Variants in HIPK2 observed in about 807,000 individuals in gnomAD.
HIPK2 encodes the protein homeodomain-interacting protein kinase 2.
A neutral mutation model predicts 113.7 loss-of-function variants in HIPK2; 27 were observed. That is an observed-to-expected ratio of 0.24 (90% CI 0.17 to 0.33). The LOEUF is 0.33. HIPK2 is among the 10% of genes least tolerant of loss of function. The pLI is 1.00. For synonymous variants in HIPK2, 631 were observed against 642.2 expected (o/e 0.98, Z 0.26); for missense variants, 1,257 against 1,588.0 (o/e 0.79, Z 3.54).
chr7:139,694,465 G>T (rs1794508522), intron 2 of HIPK2, among the ~76,000 whole-genome samples: 1 of 152,154 alleles, frequency 6.6e-6, no homozygotes, highest in African/African-American at 2.4e-5. Context: ...CCAAAGGCAC[G>T]GGGCACTGTC....
In HIPK2 at chr7:139,573,499, G is replaced by T. The variant is rs1798382562; in HGVS notation, c.3127-102C>A. ...GCAGGGAGGAGGAAGAGAAGGGAAA[G>T]ACTCCAGAAGTAATAGAAGGGGCTT... On this transcript the variant is annotated intron_variant, in intron 14 of 14. Transcript: ENST00000406875. 7 of 1,067,966 alleles carry T rather than the reference G, an allele frequency of 6.6e-6. No homozygotes were observed. The South Asian group carries it at 9.0e-5, about 14-fold the overall frequency. 66.2% of individuals were successfully genotyped at this position (1,067,966 alleles called of 1,614,324 possible). A position where few individuals can be genotyped will look rare whatever the true frequency, so the allele number is the denominator to read the frequency against.
chr7:139,701,242 G>A (rs1794698208), intron 2 of HIPK2, among the ~76,000 whole-genome samples: 1 of 152,324 alleles, frequency 6.6e-6, no homozygotes, highest in South Asian at 2.1e-4. Context: ...CTTCCAACGT[G>A]TCCACCTGGA....
In HIPK2 at chr7:139,563,066, G is replaced by A. The variant is rs779194217; in HGVS notation, c.*9861C>T. 5 of 149,874 alleles carry A rather than the reference G, an allele frequency of 3.3e-5. No homozygotes were observed. Among genetic ancestry groups the A allele is most frequent in the Non-Finnish European group, 3.0e-5 (2 of 67,436 alleles). The allele number at this position is 149,874 out of a possible 1,614,324, so 9.3% of individuals were successfully genotyped here. A position where few individuals can be genotyped will look rare whatever the true frequency, so the allele number is the denominator to read the frequency against. On this transcript the variant is annotated 3_prime_UTR_variant, in exon 15 of 15. Coordinates refer to ENST00000406875, the MANE Select transcript of HIPK2 (RefSeq NM_022740.5). ...GTGAGCAGGAACACAAAAGGGAGGA[G>A]AGCAGAAACGGGGGACCGACTGACT...
intron 2 of HIPK2, among the ~76,000 whole-genome samples, chr7:139,693,557 T>C (rs1794475012): frequency 1.3e-5 from 2 of 152,268 alleles, no homozygotes; most frequent in African/African-American, 4.8e-5. Flanking sequence ...TCAGACTCAA[T>C]TTTCTCATCC....
In HIPK2 at chr7:139,569,093, G is replaced by A. The variant is rs1424045976; in HGVS notation, c.*3834C>T. On this transcript the variant is annotated 3_prime_UTR_variant, in exon 15 of 15. Transcript: ENST00000406875. ...TGCTTTCAGAGGGGGTGCAGCCTGT[G>A]ATGCCTGAGCAGCCGCCCAGCTTTG... The A allele has an allele frequency of 1.3e-5, 2 of 152,910 alleles. No homozygotes were observed. The highest frequency in any genetic ancestry group is 4.8e-5 in the African/African-American group (2 of 41,462). 9.5% of individuals were successfully genotyped at this position (152,910 alleles called of 1,614,324 possible).
intron 9 of HIPK2, among the ~76,000 whole-genome samples, chr7:139,606,235 G>C (rs1308215116): frequency 2.0e-5 from 3 of 152,190 alleles, no homozygotes; most frequent in Non-Finnish European, 1.5e-5. Flanking sequence ...GCCAAACACA[G>C]AGTTAAGTCA....
chr7:139,601,236 C>T (rs1318273394), intron 10 of HIPK2, among the ~76,000 whole-genome samples: 7 of 144,784 alleles, frequency 4.8e-5, no homozygotes, highest in Admixed American at 4.8e-4. Flanking sequence ...GAGCGAGACA[C>T]TGTCTCAAAA....
rs555306596 is a variant in HIPK2, at chr7:139,721,052, G to C, written c.20-4037C>G. ...ATCAGACAGGAGGCCTACATGGCTG[G>C]AAACACCCTGCACCACAGCCGGCTG... On this transcript the variant is annotated intron_variant, in intron 1 of 14. Coordinates refer to ENST00000406875, the MANE Select transcript of HIPK2 (RefSeq NM_022740.5). 1.6e-3 allele frequency among the ~76,000 whole-genome samples: 245 copies of C among 152,268 alleles called. 2 individuals are homozygous for C. Among genetic ancestry groups the C allele is most frequent in the African/African-American group, 5.6e-3 (233 of 41,540 alleles).
At chr7:139,641,603 G>A (rs1226895206) in intron 2 of HIPK2, among the ~76,000 whole-genome samples, 5 of 152,136 alleles carry the variant, frequency 3.3e-5, no homozygotes, top group African/African-American at 7.2e-5. Flanking sequence ...AGCACAGCCC[G>A]GGGAACAGGT....
At chr7:139,663,957 G>A (rs935159875) in intron 2 of HIPK2, among the ~76,000 whole-genome samples, 1 of 152,142 alleles carries the variant, frequency 6.6e-6, no homozygotes, top group Non-Finnish European at 1.5e-5. Flanking sequence ...CCACATACAG[G>A]GTGACCAGGG....
intron 2 of HIPK2, among the ~76,000 whole-genome samples, chr7:139,711,577 A>C (rs1238842787): frequency 6.6e-6 from 1 of 152,152 alleles, no homozygotes; most frequent in Non-Finnish European, 1.5e-5. Context: ...CCAGAGTAGA[A>C]ACCAAAAAAA....
Position 139,668,506 on chromosome 7 carries a change from G to A in HIPK2, c.1104-36781C>T, listed in dbSNP as rs117409636. On this transcript the variant is annotated intron_variant, in intron 2 of 14. Coordinates refer to ENST00000406875, the MANE Select transcript of HIPK2 (RefSeq NM_022740.5). ...GAACCCGGGAGGCAGAGCTTGCAGT[G>A]AGCAAGCTCCAGTGAGATCGCGCCA... Among the ~76,000 whole-genome samples the A allele has an allele frequency of 9.4e-4, 142 of 150,938 alleles. No homozygotes were observed. In the East Asian group the frequency reaches 0.024, roughly 26 times the overall value.
Position 139,654,929 on chromosome 7 carries a change from T to G in HIPK2, c.1104-23204A>C, listed in dbSNP as rs187065031. On this transcript the variant is annotated intron_variant, in intron 2 of 14. Coordinates refer to ENST00000406875, the MANE Select transcript of HIPK2 (RefSeq NM_022740.5). Reference sequence around the variant, plus strand: ...GAAGGGATTCCTGCGAGTGGGAGGTTGAATAGGGTGATTTCTAAAGCCCTT... The same window carrying G: ...GAAGGGATTCCTGCGAGTGGGAGGTGGAATAGGGTGATTTCTAAAGCCCTT... Among the ~76,000 whole-genome samples, 22 of 152,284 alleles carry G rather than the reference T, an allele frequency of 1.4e-4. No homozygotes were observed. The East Asian group carries it at 4.0e-3, about 28-fold the overall frequency.
chr7:139,647,815 T>C (rs73156868), intron 2 of HIPK2, among the ~76,000 whole-genome samples: 15,795 of 152,280 alleles, frequency 0.1, 905 homozygotes, highest in Admixed American at 0.15. Context: ...ACAGTGATCA[T>C]TGGTATGAAC....
intron 1 of HIPK2, among the ~76,000 whole-genome samples, chr7:139,754,849 T>A (rs936960841): frequency 6.6e-6 from 1 of 152,122 alleles, no homozygotes; most frequent in Non-Finnish European, 1.5e-5. Context: ...TACGTTCTCT[T>A]GCTATGGAGG....
At chr7:139,682,253 C>T (rs1802730642) in intron 2 of HIPK2, among the ~76,000 whole-genome samples, 2 of 152,190 alleles carry the variant, frequency 1.3e-5, no homozygotes, top group African/African-American at 2.4e-5. Flanking sequence ...CACATGCCCT[C>T]ACTCACTCAC....
In HIPK2 at chr7:139,719,442, G is replaced by A. The variant is rs1795344395; in HGVS notation, c.20-2427C>T. Among the ~76,000 whole-genome samples the A allele has an allele frequency of 2.0e-5, 3 of 152,100 alleles. No individual in the cohort carries two copies. The South Asian group carries it at 6.2e-4, about 32-fold the overall frequency. On this transcript the variant is annotated intron_variant, in intron 1 of 14. Coordinates refer to ENST00000406875, the MANE Select transcript of HIPK2 (RefSeq NM_022740.5). ...CAAATGTTGGCATTTCCACCGTTTT[G>A]ACTCTGTTCTCTCTGGCAGCTATCA...
chr7:139,610,772 A>G (rs573699870), intron 9 of HIPK2, among the ~76,000 whole-genome samples: 2 of 152,340 alleles, frequency 1.3e-5, no homozygotes, highest in East Asian at 3.9e-4. Flanking sequence ...TTCATTTGCC[A>G]TGGATCCACA....
At chr7:139,741,012 T>A (rs2117077836) in intron 1 of HIPK2, among the ~76,000 whole-genome samples, 1 of 152,300 alleles carries the variant, frequency 6.6e-6, no homozygotes, top group African/African-American at 2.4e-5. Context: ...CCGGACATGG[T>A]GGCAGGTGCC....
Sources: allele counts gnomAD v4.1 joint callset (sites outside exome capture counted in the v4.1 genomes callset), GRCh38; gene constraint gnomAD v4.1.1; transcripts MANE v1.5; gene names NCBI Gene and HGNC (gene_info 2026-07-23, HGNC 2026-07-21).